The following SPTLC2 variants were observed in gnomAD, a reference collection of about 807,000 sequenced individuals.
SPTLC2 encodes the protein serine palmitoyltransferase long chain base subunit 2.
A neutral mutation model predicts 62.0 loss-of-function variants in SPTLC2; 21 were observed. The observed-to-expected ratio is 0.34, with a 90% CI of 0.24 to 0.49. The LOEUF (loss-of-function observed/expected upper bound fraction) is 0.49. Ranked by LOEUF, SPTLC2 falls within the 20% of genes least tolerant of loss-of-function variation. The pLI is 0.99. For missense variants in SPTLC2, 511 were observed against 713.0 expected (o/e 0.72, Z 3.23); for synonymous variants, 261 against 261.8 (o/e 1.00, Z 0.03).
rs56945046 is a variant in SPTLC2 at position 77,608,919 on chromosome 14, A to AAATAATAATAAT, written c.132+7517_132+7528dup. 9.3e-3 allele frequency among the ~76,000 whole-genome samples: 1,250 copies of AAATAATAATAAT among 134,566 alleles called. 6 individuals carry two copies. The highest frequency in any genetic ancestry group is 0.024 in the South Asian group (90 of 3,812). 88.3% of individuals were successfully genotyped at this position (134,566 alleles called of 152,430 possible). On this transcript the variant is annotated intron_variant, in intron 1 of 11. Transcript: ENST00000216484. ...GGTGACAGATTGAGGCTCCATCTCA[A>AAATAATAATAAT]AATAATAATAATAATAATAATAATA...
intron 2 of SPTLC2, among the ~76,000 whole-genome samples, 154 bp downstream of exon 2, chr14:77,597,032 C>T (rs1033832873): frequency 6.6e-6 from 1 of 152,168 alleles, no homozygotes; most frequent in African/African-American, 2.4e-5. Context: ...TGTTATTTTT[C>T]AGCTTTCTTT....
chr14:77,609,719 C>T (rs1360114437), intron 1 of SPTLC2, among the ~76,000 whole-genome samples: 2 of 151,694 alleles, frequency 1.3e-5, no homozygotes, highest in Non-Finnish European at 2.9e-5. Context: ...CGGAGTGAGA[C>T]TCTGTCTCAA....
intron 1 of SPTLC2, 21 bp from the exon 2 acceptor site, chr14:77,597,401 GT>G (rs1255139854): frequency 6.2e-7 from 1 of 1,602,748 alleles, no homozygotes; most frequent in Non-Finnish European, 8.5e-7. Context: ...GGTTAAAAAT[GT>G]TTATTTCCAT....
At chr14:77,608,198 C>T (rs971559798) in intron 1 of SPTLC2, among the ~76,000 whole-genome samples, 1 of 152,196 alleles carries the variant, frequency 6.6e-6, no homozygotes, top group African/African-American at 2.4e-5. Flanking sequence ...GCTCTCCCCT[C>T]ACGCTAGTAA....
chr14:77,523,483 G>C (rs2142183), intron 9 of SPTLC2, among the ~76,000 whole-genome samples: 52,703 of 151,922 alleles, frequency 0.35, 9,555 homozygotes, highest in Admixed American at 0.44. Context: ...CAGGGAGGTG[G>C]GGTGCGATGA....
chr14:77,585,188 A>G (rs2079774437), intron 2 of SPTLC2, among the ~76,000 whole-genome samples: 2 of 152,156 alleles, frequency 1.3e-5, no homozygotes, highest in South Asian at 2.1e-4. Flanking sequence ...AATGACCTAC[A>G]GTGTTTTTGG....
intron 5 of SPTLC2, among the ~76,000 whole-genome samples, chr14:77,570,138 G>A (rs576181648): frequency 1.7e-3 from 254 of 148,640 alleles, no homozygotes; most frequent in Non-Finnish European, 2.7e-3. Flanking sequence ...CAGGAGAATC[G>A]CTTGAATCCA....
At chr14:77,591,692 CTGTA>C (rs147430744) in intron 2 of SPTLC2, among the ~76,000 whole-genome samples, 70 of 130,484 alleles carry the variant, frequency 5.4e-4, no homozygotes, top group African/African-American at 1.5e-3. Context: ...TAGTGCTCTT[CTGTA>C]TGTATGTATG....
chr14:77,526,953 C>T (rs542397739), intron 9 of SPTLC2, among the ~76,000 whole-genome samples: 1 of 152,070 alleles, frequency 6.6e-6, no homozygotes, highest in South Asian at 2.1e-4. Flanking sequence ...CGCCACAACA[C>T]CCGGCTAATT....
rs545991278 is a variant in SPTLC2 at position 77,598,438 on chromosome 14, A to C, written c.133-1058T>G. On this transcript the variant is annotated intron_variant, in intron 1 of 11. Coordinates refer to ENST00000216484, the MANE Select transcript of SPTLC2 (RefSeq NM_004863.4). The stretch of plus-strand genomic sequence containing the variant: ...TATTGGCCTACAGATGAAGAGATCA[A>C]AAGTTCAAAAGTAAATTCAGCTTTA... 2.6e-5 allele frequency among the ~76,000 whole-genome samples: 4 copies of C among 152,358 alleles called. No homozygotes were observed. The East Asian group carries it at 7.7e-4, about 29-fold the overall frequency.
At chr14:77,582,790 C>T (rs958917065) in intron 2 of SPTLC2, among the ~76,000 whole-genome samples, 1 of 152,138 alleles carries the variant, frequency 6.6e-6, no homozygotes, top group African/African-American at 2.4e-5. Flanking sequence ...GGACCAAAAG[C>T]GGGTGGCATA....
At chr14:77,559,497 T>C (rs981534762) in intron 6 of SPTLC2, among the ~76,000 whole-genome samples, 11 of 151,848 alleles carry the variant, frequency 7.2e-5, no homozygotes, top group Non-Finnish European at 1.6e-4. Flanking sequence ...ATGAGGAGGG[T>C]ATTGTGTAAA....
At chr14:77,517,106 C>T (rs765714575) in intron 11 of SPTLC2, among the ~76,000 whole-genome samples, 5 of 152,072 alleles carry the variant, frequency 3.3e-5, no homozygotes, top group Non-Finnish European at 7.4e-5. Context: ...ACTAGCTGGG[C>T]ATGGTGGCGC....
At chr14:77,512,608 TTG>T (rs1388557575) in intron 11 of SPTLC2, among the ~76,000 whole-genome samples, 1 of 152,220 alleles carries the variant, frequency 6.6e-6, no homozygotes, top group East Asian at 1.9e-4. Context: ...GAATAATGGG[TTG>T]TGAATAGCCA....
chr14:77,560,631 AT>A (rs1425301916), intron 6 of SPTLC2, among the ~76,000 whole-genome samples: 1,396 of 5,958 alleles, frequency 0.23, 32 homozygotes, highest in East Asian at 0.45. Flanking sequence ...AAAAATAAAA[AT>A]ATATATATAT....
intron 10 of SPTLC2, 130 bp downstream of exon 10, chr14:77,521,316 G>T: frequency 9.0e-7 from 1 of 1,115,478 alleles, no homozygotes; most frequent in Non-Finnish European, 1.4e-6. Context: ...TTGATCTATG[G>T]CATATGTACC....
chr14:77,537,285 T>TC (rs1257742124), intron 9 of SPTLC2, among the ~76,000 whole-genome samples: 2 of 59,892 alleles, frequency 3.3e-5, no homozygotes, highest in Admixed American at 1.8e-4. Context: ...AGGGCAGAAG[T>TC]TAAAAAAAAA....
At chr14:77,596,014 G>T (rs1441252886) in intron 2 of SPTLC2, among the ~76,000 whole-genome samples, 1 of 152,114 alleles carries the variant, frequency 6.6e-6, no homozygotes, top group Non-Finnish European at 1.5e-5. Context: ...AACTCCAGAA[G>T]TGAGCTTCAA....
Position 77,609,508 on chromosome 14 carries a change from G to A in SPTLC2, c.132+6940C>T, listed in dbSNP as rs116082610. 3.9e-3 allele frequency among the ~76,000 whole-genome samples: 592 copies of A among 152,276 alleles called. 4 individuals carry two copies. The highest frequency in any genetic ancestry group is 0.014 in the African/African-American group (565 of 41,546). On this transcript the variant is annotated intron_variant, in intron 1 of 11. Coordinates refer to ENST00000216484, the MANE Select transcript of SPTLC2 (RefSeq NM_004863.4). Reference sequence around the variant, plus strand: ...TTCCAGCACTTTGGAAGTCCGAAGCGGATGGATCACTTAGGTCAGGAGTCT... The same window carrying A: ...TTCCAGCACTTTGGAAGTCCGAAGCAGATGGATCACTTAGGTCAGGAGTCT...
Sources: gnomAD v4.1 joint callset for allele counts (sites outside exome capture counted in the v4.1 genomes callset) on GRCh38, gnomAD v4.1.1 for gene constraint, MANE v1.5 for transcripts, NCBI Gene and HGNC (gene_info 2026-07-23, HGNC 2026-07-21) for gene names.